ELOVL2: variants seen among roughly 807,000 people sequenced by gnomAD.
ELOVL2 encodes the protein very long chain fatty acid elongase 2.
In ELOVL2, 38 loss-of-function variants were observed where a neutral mutation model predicts 37.7. The observed-to-expected ratio is 1.01, with a 90% CI of 0.78 to 1.32. The LOEUF is 1.32. Among genes scored for constraint, ELOVL2 ranks in the 40% most tolerant of loss-of-function variants. The pLI is 0.00. For synonymous variants in ELOVL2, 115 were observed against 122.3 expected (o/e 0.94, Z 0.40); for missense variants, 352 against 363.6 (o/e 0.97, Z 0.26).
At chr6:10,989,615 G>A (rs1782109209) in intron 7 of ELOVL2, 88 bp downstream of exon 7, 29 of 1,349,920 alleles carry the variant, frequency 2.1e-5, no homozygotes, top group Non-Finnish European at 2.9e-5. Context: ...CTCCAGCCTG[G>A]GCAATAAGAG....
At chr6:11,017,384 C>CA (rs1782700078) in intron 1 of ELOVL2, among the ~76,000 whole-genome samples, 1 of 152,164 alleles carries the variant, frequency 6.6e-6, no homozygotes, top group South Asian at 2.1e-4. Flanking sequence ...TGAAGGGTTT[C>CA]AGAGCTTGGA....
chr6:10,994,657 G>A (rs948732773), intron 5 of ELOVL2, among the ~76,000 whole-genome samples: 31 of 152,214 alleles, frequency 2.0e-4, no homozygotes, highest in African/African-American at 7.2e-4. Context: ...TCTGTTTCAC[G>A]GGGAAGTGGT....
At chr6:11,041,586 T>C (rs1783097814) in intron 1 of ELOVL2, among the ~76,000 whole-genome samples, 1 of 152,236 alleles carries the variant, frequency 6.6e-6, no homozygotes, top group Non-Finnish European at 1.5e-5. Flanking sequence ...TTCATTCATC[T>C]TTGGTTGGTT....
At chr6:11,021,595 G>A (rs1412970667) in intron 1 of ELOVL2, among the ~76,000 whole-genome samples, 2 of 152,122 alleles carry the variant, frequency 1.3e-5, no homozygotes, top group African/African-American at 4.8e-5. Context: ...TTAAAGCAGA[G>A]AGATATTGAG....
intron 3 of ELOVL2, 69 bp downstream of exon 3, chr6:11,005,303 G>C (rs1025019220): frequency 3.6e-6 from 5 of 1,375,702 alleles, no homozygotes; most frequent in Non-Finnish European, 5.0e-6. Flanking sequence ...TGCCAGGCTA[G>C]ATGTGGTTGT....
intron 1 of ELOVL2, among the ~76,000 whole-genome samples, chr6:11,030,970 T>A (rs1356231889): frequency 6.6e-6 from 1 of 152,240 alleles, no homozygotes; most frequent in East Asian, 1.9e-4. Context: ...TGGTTTTATA[T>A]ATTTACATGC....
chr6:11,026,235 T>C (rs1342995221), intron 1 of ELOVL2, among the ~76,000 whole-genome samples: 1 of 152,034 alleles, frequency 6.6e-6, no homozygotes, highest in Admixed American at 6.6e-5. Context: ...TAAAAATAAG[T>C]GTGTATTGGG....
chr6:11,003,299 A>G (rs760617254), intron 3 of ELOVL2, among the ~76,000 whole-genome samples: 4 of 151,444 alleles, frequency 2.6e-5, no homozygotes, highest in Non-Finnish European at 4.4e-5. Flanking sequence ...TGCTCTCCCT[A>G]CCCTTGCTCC....
At chr6:10,987,250 T>C (rs529789050) in intron 7 of ELOVL2, among the ~76,000 whole-genome samples, 8 of 152,238 alleles carry the variant, frequency 5.3e-5, no homozygotes, top group East Asian at 1.9e-4. Flanking sequence ...TTCTTCTTTA[T>C]TAGTCTTGCT....
intron 1 of ELOVL2, chr6:11,043,960 G>A (rs1310817122): frequency 1.3e-5 from 4 of 312,226 alleles, no homozygotes; most frequent in African/African-American, 6.6e-5. Flanking sequence ...CGGGCGCCTC[G>A]AGGTGCCGGG....
In ELOVL2 at chr6:11,022,726, G is replaced by A. The variant is rs547356102; in HGVS notation, c.4-11917C>T. ...TTTTAAACATTTAAAATATATTCAC[G>A]AAGCTTAAATGACTTGTGAATTAAT... On this transcript the variant is annotated intron_variant, in intron 1 of 7. Coordinates refer to ENST00000354666, the MANE Select transcript of ELOVL2 (RefSeq NM_017770.4). Among the ~76,000 whole-genome samples the A allele has an allele frequency of 1.2e-4, 18 of 152,222 alleles. No homozygotes were observed. The South Asian group carries it at 2.7e-3, about 23-fold the overall frequency.
At chr6:11,041,739 T>G (rs1287935275) in intron 1 of ELOVL2, among the ~76,000 whole-genome samples, 1 of 152,132 alleles carries the variant, frequency 6.6e-6, no homozygotes, top group Non-Finnish European at 1.5e-5. Context: ...CAAAAACTTA[T>G]GTAAATTTTA....
chr6:11,029,057 C>CAAA (rs61212546), intron 1 of ELOVL2, among the ~76,000 whole-genome samples: 448 of 81,768 alleles, frequency 5.5e-3, no homozygotes, highest in Non-Finnish European at 7.8e-3. Flanking sequence ...TTTGTCTCTA[C>CAAA]AAAAAAAAAA....
At position 11,026,061 on chromosome 6, in the gene ELOVL2, C is replaced by G. The variant is rs560400618; in HGVS notation, c.4-15252G>C. Reference sequence around the variant, plus strand: ...TTTCCTAAGCAGATAAGCCATCAAGCTTTCAGGATGGTGAAGTGGAAGCAG... The same window carrying G: ...TTTCCTAAGCAGATAAGCCATCAAGGTTTCAGGATGGTGAAGTGGAAGCAG... On this transcript the variant is annotated intron_variant, in intron 1 of 7. Transcript: ENST00000354666. 5.9e-5 allele frequency among the ~76,000 whole-genome samples: 9 copies of G among 152,268 alleles called. 1 individual carries two copies. In the South Asian group the frequency reaches 1.9e-3, roughly 32 times the overall value.
intron 5 of ELOVL2, among the ~76,000 whole-genome samples, chr6:10,991,538 G>A (rs750851518): frequency 3.3e-5 from 5 of 152,136 alleles, no homozygotes; most frequent in East Asian, 3.8e-4. Context: ...TAAAAGCACC[G>A]CACATATGCT....
intron 1 of ELOVL2, among the ~76,000 whole-genome samples, chr6:11,037,379 CATT>C (rs1783027538): frequency 6.6e-6 from 1 of 152,152 alleles, no homozygotes; most frequent in Non-Finnish European, 1.5e-5. Context: ...TCCAAGATCT[CATT>C]AACCAAATTC....
At chr6:10,988,446 C>T (rs1782087596) in intron 7 of ELOVL2, among the ~76,000 whole-genome samples, 1 of 152,188 alleles carries the variant, frequency 6.6e-6, no homozygotes, top group Non-Finnish European at 1.5e-5. Context: ...CGCCTGTAAT[C>T]CCAGCTACTT....
intron 1 of ELOVL2, among the ~76,000 whole-genome samples, chr6:11,021,996 T>G (rs1367536690): frequency 6.6e-6 from 1 of 152,170 alleles, no homozygotes; most frequent in East Asian, 1.9e-4. Flanking sequence ...AGGAGTAAAG[T>G]AATGTTAAGT....
At chr6:11,003,933 A>T (rs1346058723) in intron 3 of ELOVL2, among the ~76,000 whole-genome samples, 1 of 151,920 alleles carries the variant, frequency 6.6e-6, no homozygotes, top group East Asian at 1.9e-4. Flanking sequence ...AAAAAAAAAA[A>T]TTAGCCAGGA....
Sources: allele counts gnomAD v4.1 joint callset (sites outside exome capture counted in the v4.1 genomes callset), GRCh38; gene constraint gnomAD v4.1.1; transcripts MANE v1.5; gene names NCBI Gene and HGNC (gene_info 2026-07-23, HGNC 2026-07-21).